Variants in DPP10 observed in about 807,000 individuals in gnomAD.
DPP10 encodes inactive dipeptidyl peptidase 10.
A neutral mutation model predicts 120.9 loss-of-function variants in DPP10; 33 were observed. The ratio of observed to expected loss-of-function variants is 0.27; its 90% CI spans 0.21 to 0.37. The LOEUF (loss-of-function observed/expected upper bound fraction) is 0.37. Ranked by LOEUF, DPP10 falls within the 10% of genes least tolerant of loss-of-function variation. DPP10 has a pLI of 1.00. For missense variants in DPP10, 816 were observed against 942.8 expected (o/e 0.87, Z 1.76); for synonymous variants, 337 against 326.1 (o/e 1.03, Z -0.36).
Position 114,933,728 on chromosome 2 carries a change from T to G in DPP10, c.61-375511T>G, listed in dbSNP as rs549901609. The stretch of plus-strand genomic sequence containing the variant: ...ATAGCCAAACATTTGGAAGAGAGGT[T>G]CTCTTACTTGGTCATCCATCAGAAT... On this transcript the variant is annotated intron_variant, in intron 1 of 25. Coordinates refer to ENST00000410059, the MANE Select transcript of DPP10 (RefSeq NM_020868.6). Among the ~76,000 whole-genome samples the G allele has an allele frequency of 4.6e-5, 7 of 152,300 alleles. No homozygotes were observed. The South Asian group carries it at 6.2e-4, about 14-fold the overall frequency.
At chr2:115,694,996 T>G (rs2091509399) in intron 7 of DPP10, among the ~76,000 whole-genome samples, 1 of 152,212 alleles carries the variant, frequency 6.6e-6, no homozygotes, top group Non-Finnish European at 1.5e-5. Context: ...AGCTATTGTT[T>G]CACATCCTTA....
intron 5 of DPP10, among the ~76,000 whole-genome samples, chr2:115,652,276 A>T (rs2087854166): frequency 2.0e-5 from 3 of 152,016 alleles, no homozygotes; most frequent in East Asian, 3.9e-4. Context: ...GTAAATTATG[A>T]ATTATTTGGT....
At chr2:115,418,970 G>A (rs1183882796) in intron 3 of DPP10, among the ~76,000 whole-genome samples, 1 of 152,068 alleles carries the variant, frequency 6.6e-6, no homozygotes, top group Non-Finnish European at 1.5e-5. Context: ...TTGTATTAAG[G>A]CCTTCTAATG....
At chr2:114,581,787 T>G (rs950448078) in intron 1 of DPP10, among the ~76,000 whole-genome samples, 2 of 152,214 alleles carry the variant, frequency 1.3e-5, no homozygotes, top group African/African-American at 2.4e-5. Flanking sequence ...ATCTACCCAA[T>G]TTAAAACTTA....
intron 4 of DPP10, among the ~76,000 whole-genome samples, chr2:115,515,278 A>G (rs1354209728): frequency 1.3e-5 from 2 of 152,020 alleles, no homozygotes; most frequent in East Asian, 3.9e-4. Flanking sequence ...TTATATTGCA[A>G]TTTATTAGAT....
intron 1 of DPP10, among the ~76,000 whole-genome samples, chr2:114,913,239 G>A (rs556806085): frequency 3.9e-5 from 6 of 152,264 alleles, no homozygotes; most frequent in African/African-American, 9.6e-5. Flanking sequence ...CCCCATCGGC[G>A]TGCACTCGCC....
At chr2:114,551,476 TTGAAG>T (rs1687882766) in intron 1 of DPP10, among the ~76,000 whole-genome samples, 1 of 152,228 alleles carries the variant, frequency 6.6e-6, no homozygotes, top group Non-Finnish European at 1.5e-5. Context: ...CTAAAGTGAA[TTGAAG>T]TGAATTCCTT....
intron 1 of DPP10, among the ~76,000 whole-genome samples, chr2:115,158,286 C>T (rs900470035): frequency 2.0e-5 from 3 of 152,138 alleles, no homozygotes; most frequent in Non-Finnish European, 4.4e-5. Flanking sequence ...TTTCATAACC[C>T]GTCCTCAATT....
At chr2:115,405,025 A>G (rs2068404753) in intron 3 of DPP10, among the ~76,000 whole-genome samples, 1 of 152,194 alleles carries the variant, frequency 6.6e-6, no homozygotes, top group African/African-American at 2.4e-5. Context: ...TCATGTACTC[A>G]CAATGAAAAA....
chr2:115,556,205 T>A (rs1197266075), intron 5 of DPP10, among the ~76,000 whole-genome samples: 1 of 152,008 alleles, frequency 6.6e-6, no homozygotes, highest in African/African-American at 2.4e-5. Context: ...CTTTTTATAC[T>A]CCGAATACAA....
rs757290404 is a variant in DPP10 at position 115,739,858 on chromosome 2, T to C, written c.817T>C (p.Leu273=). The change falls in exon 9 of 26, where the codon TTG becomes CTG. Residue 273 remains leucine, a synonymous_variant. Transcript: ENST00000410059. ...TMVIPRFTGA[L]YPKGKQYPYP... is the part of the protein sequence containing the mutation. ...GGTTATCCCTCGGTTTACTGGAGCG[T>C]TGTATCCCAAAGGAAAGCAGTATCC... 14 of 1,613,388 alleles carry C rather than the reference T, an allele frequency of 8.7e-6. No homozygotes were observed. Among genetic ancestry groups the C allele is most frequent in the Non-Finnish European group, 1.2e-5 (14 of 1,179,508 alleles).
chr2:114,801,869 A>G (rs1008637090), intron 1 of DPP10, among the ~76,000 whole-genome samples: 2 of 152,138 alleles, frequency 1.3e-5, no homozygotes, highest in Admixed American at 6.5e-5. Context: ...TGCTTGTTGC[A>G]TAAGGACCAA....
chr2:115,649,872 C>T (rs1415929281), intron 5 of DPP10, among the ~76,000 whole-genome samples: 1 of 152,100 alleles, frequency 6.6e-6, no homozygotes, highest in African/African-American at 2.4e-5. Context: ...ATTCTCTCTA[C>T]ATTTAATACC....
At chr2:115,216,920 T>C (rs2056865772) in intron 1 of DPP10, among the ~76,000 whole-genome samples, 1 of 152,026 alleles carries the variant, frequency 6.6e-6, no homozygotes, top group African/African-American at 2.4e-5. Flanking sequence ...TACACGTATA[T>C]ATGTCTATGT....
At chr2:114,549,009 A>G (rs1687649450) in intron 1 of DPP10, among the ~76,000 whole-genome samples, 1 of 152,222 alleles carries the variant, frequency 6.6e-6, no homozygotes, top group African/African-American at 2.4e-5. Flanking sequence ...AGAAATAAAA[A>G]TCAAAGCAGT....
At chr2:115,336,310 T>C (rs945870730) in intron 2 of DPP10, among the ~76,000 whole-genome samples, 1 of 152,024 alleles carries the variant, frequency 6.6e-6, no homozygotes, top group Non-Finnish European at 1.5e-5. Flanking sequence ...TCAATTTCAG[T>C]TCTGTTGCCA....
intron 1 of DPP10, among the ~76,000 whole-genome samples, chr2:114,938,072 TA>T (rs1330788575): frequency 1.3e-5 from 2 of 152,142 alleles, no homozygotes; most frequent in Non-Finnish European, 2.9e-5. Context: ...GGAAAGTAAA[TA>T]AAGTCACTCA....
intron 21 of DPP10, among the ~76,000 whole-genome samples, chr2:115,819,116 T>C (rs1224218469): frequency 1.3e-5 from 2 of 152,212 alleles, no homozygotes; most frequent in Non-Finnish European, 2.9e-5. Context: ...GTTCTTGCTA[T>C]ACTGATTCCC....
At chr2:115,355,168 C>T (rs887132000) in intron 3 of DPP10, among the ~76,000 whole-genome samples, 3 of 152,168 alleles carry the variant, frequency 2.0e-5, no homozygotes, top group African/African-American at 7.2e-5. Context: ...TTCCCACCAA[C>T]AGTGTAAGTA....
Sources: allele counts gnomAD v4.1 joint callset (sites outside exome capture counted in the v4.1 genomes callset), GRCh38; gene constraint gnomAD v4.1.1; transcripts MANE v1.5; gene names NCBI Gene and HGNC (gene_info 2026-07-23, HGNC 2026-07-21).